LARGE1: variants seen among roughly 807,000 people sequenced by gnomAD.
LARGE1 encodes the protein LARGE xylosyl- and glucuronyltransferase 1.
Under a neutral mutation model 87.6 loss-of-function variants are expected in LARGE1, and 43 were observed. That is an observed-to-expected ratio of 0.49 (90% CI 0.38 to 0.63). The LOEUF (loss-of-function observed/expected upper bound fraction) is 0.63, where lower values mean the gene tolerates loss of function less well. Among genes scored for constraint, LARGE1 ranks in the 30% least tolerant of loss-of-function variants. LARGE1 has a pLI of 0.00. For missense variants in LARGE1, 802 were observed against 1,000.2 expected (o/e 0.80, Z 2.67); for synonymous variants, 434 against 394.6 (o/e 1.10, Z -1.18).
chr22:33,537,382 C>A (rs2077072160), intron 6 of LARGE1, among the ~76,000 whole-genome samples: 1 of 152,172 alleles, frequency 6.6e-6, no homozygotes, highest in Non-Finnish European at 1.5e-5. Context: ...CCAAGTACAT[C>A]ACTCCAATCT....
intron 2 of LARGE1, among the ~76,000 whole-genome samples, chr22:33,706,279 C>T (rs931091112): frequency 7.2e-5 from 11 of 152,158 alleles, no homozygotes; most frequent in Non-Finnish European, 1.5e-4. Flanking sequence ...CACGGCTCAG[C>T]CCACACCCCC....
chr22:33,226,163 C>T (rs554857411), intron 11 of LARGE1, among the ~76,000 whole-genome samples: 1 of 152,322 alleles, frequency 6.6e-6, no homozygotes, highest in East Asian at 1.9e-4. Context: ...CCAAAGACTG[C>T]TTTATGTTTC....
intron 5 of LARGE1, among the ~76,000 whole-genome samples, chr22:33,588,331 G>T (rs1034526582): frequency 1.3e-5 from 2 of 152,180 alleles, no homozygotes; most frequent in African/African-American, 4.8e-5. Flanking sequence ...CCTATAGAAG[G>T]GGAACCCAAA....
In LARGE1 at chr22:33,413,451, T is replaced by TTTTTA. The variant is rs996286628; in HGVS notation, c.892+18705_892+18709dup. On this transcript the variant is annotated intron_variant, in intron 7 of 14. Transcript: ENST00000397394. ...TGACATAGGCATCATTACTGGGGGC[T>TTTTTA]TTTTATTTTATTTTATTATTATTAT... Among the ~76,000 whole-genome samples, 11 of 151,944 alleles carry TTTTTA rather than the reference T, an allele frequency of 7.2e-5. No homozygotes were observed. In the South Asian group the frequency reaches 2.3e-3, roughly 32 times the overall value.
intron 7 of LARGE1, among the ~76,000 whole-genome samples, chr22:33,425,365 A>T (rs898643577): frequency 1.4e-4 from 22 of 152,240 alleles, no homozygotes; most frequent in African/African-American, 5.3e-4. Context: ...TGCAAACAAG[A>T]AAGTAAGTCC....
intron 2 of LARGE1, among the ~76,000 whole-genome samples, chr22:33,657,419 G>T (rs1029967722): frequency 6.6e-6 from 1 of 152,090 alleles, no homozygotes; most frequent in African/African-American, 2.4e-5. Flanking sequence ...CTAAAACAGG[G>T]GTCATCAAAC....
chr22:33,445,259 A>G (rs2147860603), intron 6 of LARGE1, among the ~76,000 whole-genome samples: 1 of 152,316 alleles, frequency 6.6e-6, no homozygotes, highest in Middle Eastern at 3.4e-3. Flanking sequence ...ACAAGGGGTC[A>G]GGGCTCCCAC....
intron 1 of LARGE1, among the ~76,000 whole-genome samples, chr22:33,916,500 T>A (rs564570335): frequency 2.6e-5 from 4 of 152,306 alleles, no homozygotes; most frequent in African/African-American, 9.6e-5. Context: ...CTACTCTCCA[T>A]ACGCCAATGT....
In LARGE1 at chr22:33,566,679, C is replaced by T. The variant is rs372623978; in HGVS notation, c.616-1660G>A. Among the ~76,000 whole-genome samples the T allele has an allele frequency of 3.0e-4, 46 of 152,292 alleles. No homozygotes were observed. The East Asian group carries it at 7.5e-3, about 25-fold the overall frequency. ...CTGGCTGGGGTGGCCAGCTTTTATTCCCTTATTTCTCCCTGCCCACATCCT... is the reference window on the plus strand; with the variant it reads ...CTGGCTGGGGTGGCCAGCTTTTATTTCCTTATTTCTCCCTGCCCACATCCT... On this transcript the variant is annotated intron_variant, in intron 5 of 14. Coordinates refer to ENST00000397394, the MANE Select transcript of LARGE1 (RefSeq NM_133642.5).
At chr22:33,106,493 C>CTTTTTT in the LARGE1 span, among the ~76,000 whole-genome samples, 1 of 147,000 alleles carries the variant, frequency 6.8e-6, no homozygotes, top group Non-Finnish European at 1.5e-5. Context: ...TTCGCCATTC[C>CTTTTTT]TTTTTTTTTT....
intron 9 of LARGE1, among the ~76,000 whole-genome samples, chr22:33,351,968 C>T (rs139847952): frequency 6.8e-4 from 103 of 152,146 alleles, no homozygotes; most frequent in Non-Finnish European, 1.0e-3. Flanking sequence ...AGATCTCTTG[C>T]GCTCATAATC....
At chr22:33,769,714 G>A (rs1393326410) in intron 1 of LARGE1, among the ~76,000 whole-genome samples, 1 of 152,158 alleles carries the variant, frequency 6.6e-6, no homozygotes, top group Non-Finnish European at 1.5e-5. Flanking sequence ...TTATGTGAAA[G>A]TGGAGCTGTC....
intron 6 of LARGE1, among the ~76,000 whole-genome samples, chr22:33,502,420 G>T (rs78378830): frequency 1.3e-5 from 2 of 152,246 alleles, no homozygotes; most frequent in South Asian, 4.1e-4. Flanking sequence ...GAAGGGACAT[G>T]AGGGTGTCTG....
chr22:33,679,537 A>C (rs761019841), intron 2 of LARGE1, among the ~76,000 whole-genome samples: 1 of 152,136 alleles, frequency 6.6e-6, no homozygotes. Context: ...CACAAGCCAA[A>C]GAACTATCAG....
At chr22:33,687,539 T>C (rs2081980799) in intron 2 of LARGE1, among the ~76,000 whole-genome samples, 2 of 151,948 alleles carry the variant, frequency 1.3e-5, no homozygotes. Flanking sequence ...GAGCACAGAG[T>C]AGGCACGAAG....
At chr22:33,789,524 G>T (rs957608524) in intron 1 of LARGE1, among the ~76,000 whole-genome samples, 2 of 152,204 alleles carry the variant, frequency 1.3e-5, no homozygotes, top group African/African-American at 4.8e-5. Flanking sequence ...TAGAATGGTA[G>T]ATCCAGCAAC....
chr22:33,830,252 C>T (rs1242353657), intron 1 of LARGE1, among the ~76,000 whole-genome samples: 1 of 152,086 alleles, frequency 6.6e-6, no homozygotes, highest in Non-Finnish European at 1.5e-5. Flanking sequence ...AAATCAAATT[C>T]CATAAGCAAA....
chr22:33,156,387 G>T, the LARGE1 span, among the ~76,000 whole-genome samples: 1 of 152,192 alleles, frequency 6.6e-6, no homozygotes, highest in African/African-American at 2.4e-5. Context: ...CCAAGGCTGT[G>T]GGAGCCCACC....
chr22:33,618,104 T>C (rs2079632917), intron 4 of LARGE1, among the ~76,000 whole-genome samples: 1 of 152,232 alleles, frequency 6.6e-6, no homozygotes, highest in Admixed American at 6.5e-5. Context: ...GAATTCTCAG[T>C]GAATCTGTTG....
Sources: allele counts gnomAD v4.1 joint callset (sites outside exome capture counted in the v4.1 genomes callset), GRCh38; gene constraint gnomAD v4.1.1; transcripts MANE v1.5; gene names NCBI Gene and HGNC (gene_info 2026-07-23, HGNC 2026-07-21).